LOC128125822: variants seen among roughly 807,000 people sequenced by gnomAD.
At chr6:63,578,227 G>A in the LOC128125822 span, among the ~76,000 whole-genome samples, 6 of 152,196 alleles carry the variant, frequency 3.9e-5, no homozygotes, top group African/African-American at 1.4e-4. Flanking sequence ...AATATGTATG[G>A]TATTTAATAT....
chr6:63,572,869 T>G, the LOC128125822 span: 1 of 389,094 alleles, frequency 2.6e-6, no homozygotes, highest in East Asian at 3.7e-5. Flanking sequence ...GGGCGGGTTA[T>G]GGCCCTGTGG....
chr6:63,575,474 G>A, the LOC128125822 span, among the ~76,000 whole-genome samples: 2 of 152,054 alleles, frequency 1.3e-5, no homozygotes, highest in African/African-American at 4.8e-5. Context: ...GCATAAAAAT[G>A]GTTTAGTTCT....
the LOC128125822 span, among the ~76,000 whole-genome samples, chr6:63,575,275 C>T: frequency 6.6e-6 from 1 of 152,178 alleles, no homozygotes; most frequent in Non-Finnish European, 1.5e-5. Flanking sequence ...ACATGAAGTG[C>T]TTGAGGCAGT....
At chr6:63,572,803 C>T in the LOC128125822 span, 1 of 397,336 alleles carries the variant, frequency 2.5e-6, no homozygotes, top group Non-Finnish European at 4.4e-6. Context: ...GTTCGGAGCC[C>T]GGCGTCTCCT....
At chr6:63,581,165 C>T in the LOC128125822 span, 10 of 151,502 alleles carry the variant, frequency 6.6e-5, no homozygotes, top group Non-Finnish European at 1.5e-4. Context: ...TTCCCAACCT[C>T]TCTTGCAAAA....
the LOC128125822 span, chr6:63,572,540 G>C: frequency 2.5e-6 from 1 of 395,774 alleles, no homozygotes. Context: ...GCTCTGCTCC[G>C]AGCCGCTCAC....
chr6:63,578,631 CAA>C, the LOC128125822 span: 1 of 1,420,780 alleles, frequency 7.0e-7, no homozygotes, highest in Admixed American at 3.0e-5. Context: ...AAATAGACCT[CAA>C]AAAGCTAAAA....
chr6:63,582,782 T>C, the LOC128125822 span: 3,481 of 152,322 alleles, frequency 0.023, 59 homozygotes, highest in South Asian at 0.081. Flanking sequence ...TTGGTCATTC[T>C]GCAGTGCACT....
At chr6:63,580,312 A>T in the LOC128125822 span, 1 of 705,456 alleles carries the variant, frequency 1.4e-6, no homozygotes, top group Non-Finnish European at 2.4e-6. Flanking sequence ...CCAGGCCTCA[A>T]GCTAGACAGA....
the LOC128125822 span, chr6:63,579,102 TATA>T: frequency 7.1e-7 from 1 of 1,413,514 alleles, no homozygotes; most frequent in East Asian, 2.6e-5. Context: ...GAAAAATTCT[TATA>T]ATTTTTTAAT....
At chr6:63,580,227 GT>G in the LOC128125822 span, 6 of 1,357,264 alleles carry the variant, frequency 4.4e-6, no homozygotes, top group African/African-American at 1.4e-5. Flanking sequence ...GGCCTAATTT[GT>G]TATACATATT....
At chr6:63,575,284 G>A in the LOC128125822 span, among the ~76,000 whole-genome samples, 1 of 152,184 alleles carries the variant, frequency 6.6e-6, no homozygotes, top group African/African-American at 2.4e-5. Flanking sequence ...GCTTGAGGCA[G>A]TGACTATGAA....
the LOC128125822 span, chr6:63,580,012 A>G: frequency 4.3e-6 from 6 of 1,397,082 alleles, no homozygotes; most frequent in Non-Finnish European, 6.0e-6. Flanking sequence ...ATATTACTGT[A>G]GGGGGCTTTT....
the LOC128125822 span, among the ~76,000 whole-genome samples, chr6:63,577,649 C>A: frequency 6.6e-6 from 1 of 151,916 alleles, no homozygotes; most frequent in Non-Finnish European, 1.5e-5. Flanking sequence ...CTCTGCCTCC[C>A]GGGTTCAAGC....
chr6:63,578,427 T>G, the LOC128125822 span: 2 of 1,598,530 alleles, frequency 1.3e-6, no homozygotes, highest in Middle Eastern at 3.5e-4. Context: ...TTAATGTACG[T>G]TTTATCCAGG....
the LOC128125822 span, chr6:63,578,869 TA>T: frequency 1.3e-6 from 2 of 1,485,184 alleles, no homozygotes; most frequent in Non-Finnish European, 1.8e-6. Context: ...ATTAATGATC[TA>T]AAATGTTTAA....
At chr6:63,579,415 T>G in the LOC128125822 span, 1 of 922,370 alleles carries the variant, frequency 1.1e-6, no homozygotes, top group East Asian at 2.9e-5. Flanking sequence ...AATAGCCCAT[T>G]TAATCATTAT....
chr6:63,579,281 A>G, the LOC128125822 span: 1 of 1,611,656 alleles, frequency 6.2e-7, no homozygotes, highest in South Asian at 1.1e-5. Context: ...TTGCCCTAGC[A>G]TTAATTGAAG....
At chr6:63,578,276 CAA>C in the LOC128125822 span, among the ~76,000 whole-genome samples, 1 of 152,226 alleles carries the variant, frequency 6.6e-6, no homozygotes, top group African/African-American at 2.4e-5. Flanking sequence ...TCACTTAAAA[CAA>C]AATTTGCTTT....
Sources: gnomAD v4.1 joint callset for allele counts (sites outside exome capture counted in the v4.1 genomes callset) on GRCh38, gnomAD v4.1.1 for gene constraint, MANE v1.5 for transcripts.